PPP6R2: variants seen among roughly 807,000 people sequenced by gnomAD.
The protein encoded by PPP6R2 is protein phosphatase 6 regulatory subunit 2.
PPP6R2 carries 62 observed loss-of-function variants against 100.2 expected under a neutral mutation model. The ratio of observed to expected loss-of-function variants is 0.62; its 90% CI spans 0.50 to 0.76. PPP6R2 has a LOEUF of 0.76. Among genes scored for constraint, PPP6R2 ranks in the 30% least tolerant of loss-of-function variants. PPP6R2 has a pLI of 0.00. For synonymous variants in PPP6R2, 525 were observed against 514.7 expected (o/e 1.02, Z -0.27); for missense variants, 1,142 against 1,276.3 (o/e 0.89, Z 1.60).
intron 1 of PPP6R2, among the ~76,000 whole-genome samples, chr22:50,364,983 A>G (rs1439404783): frequency 6.6e-6 from 1 of 152,150 alleles, no homozygotes; most frequent in Non-Finnish European, 1.5e-5. Context: ...AAAAGAAAAA[A>G]AATCTTTTAT....
intron 1 of PPP6R2, among the ~76,000 whole-genome samples, chr22:50,357,519 G>A (rs773812136): frequency 6.7e-6 from 1 of 149,732 alleles, no homozygotes; most frequent in Non-Finnish European, 1.5e-5. Context: ...TTTTTGATGA[G>A]GTCTCACTCT....
At chr22:50,374,096 C>T (rs975387963) in intron 2 of PPP6R2, among the ~76,000 whole-genome samples, 1 of 152,178 alleles carries the variant, frequency 6.6e-6, no homozygotes, top group African/African-American at 2.4e-5. Context: ...GTTGTCCAGA[C>T]TGGTCTTGAA....
Position 50,438,659 on chromosome 22 carries a change from G to C in PPP6R2, c.2025G>C (p.Gln675His). The C allele has an allele frequency of 3.7e-6, 6 of 1,614,078 alleles. No individual in the cohort carries two copies. Among genetic ancestry groups the C allele is most frequent in the Non-Finnish European group, 3.4e-6 (4 of 1,180,004 alleles). Reference protein sequence around the residue: ...CSKNGPERGGQDGKASLEAHR... With the variant: ...CSKNGPERGGHDGKASLEAHR... Reference sequence around the variant, plus strand: ...AGAATGGCCCAGAGCGTGGAGGCCAGGATGGGAAGGCGAGCTTGGAAGCAC... The same window carrying C: ...AGAATGGCCCAGAGCGTGGAGGCCACGATGGGAAGGCGAGCTTGGAAGCAC... The change falls in exon 19 of 24, where the codon CAG becomes CAC. Residue 675 changes from glutamine to histidine, a missense_variant. Around this residue, in one of 2 missense-constraint regions of PPP6R2, gnomAD observed 550 missense variants for 517.4 expected, o/e 1.06. Transcript: ENST00000612753.
the PPP6R2 span, among the ~76,000 whole-genome samples, chr22:50,337,775 T>C: frequency 7.2e-6 from 1 of 139,378 alleles, no homozygotes; most frequent in African/African-American, 2.7e-5. Context: ...GTGTATGGTG[T>C]GTGTGTGGGT....
chr22:50,436,278 A>T, intron 13 of PPP6R2, 89 bp from the exon 14 acceptor site: 2 of 1,180,070 alleles, frequency 1.7e-6, no homozygotes, highest in Non-Finnish European at 2.4e-6. Flanking sequence ...ATCCTCCCGG[A>T]CCCAGGATGC....
At chr22:50,365,259 C>T (rs1250964779) in intron 1 of PPP6R2, among the ~76,000 whole-genome samples, 4 of 151,838 alleles carry the variant, frequency 2.6e-5, no homozygotes, top group African/African-American at 4.8e-5. Flanking sequence ...TTAGTAGAGA[C>T]GGGGTTTCTT....
rs759430979 is a variant in PPP6R2, at chr22:50,406,776, C to T, written c.315C>T (p.Leu105=). ...GTGGGGACGAGAGCCTGCTGAGCCT[C>T]CTGTACGACTTCTTGGACCATGAGC... ...RLGGDESLLS[L]LYDFLDHEPP... The change falls in exon 4 of 24, where the codon CTC becomes CTT. Residue 105 remains leucine, a synonymous_variant. Transcript: ENST00000612753. 1 of 1,614,138 alleles carries T rather than the reference C, an allele frequency of 6.2e-7. No individual in the cohort carries two copies. The highest frequency in any genetic ancestry group is 1.1e-5 in the South Asian group (1 of 91,070).
intron 2 of PPP6R2, among the ~76,000 whole-genome samples, chr22:50,385,320 C>T (rs900058472): frequency 7.3e-5 from 11 of 150,964 alleles, no homozygotes; most frequent in Non-Finnish European, 1.0e-4. Context: ...CTCAGCCTCC[C>T]GAGTAGCTGG....
upstream of PPP6R2, among the ~76,000 whole-genome samples, chr22:50,339,502 TGTG>T (rs1387812294): frequency 2.6e-5 from 3 of 114,152 alleles, no homozygotes; most frequent in South Asian, 3.0e-4. Flanking sequence ...GGGTGTGTGT[TGTG>T]TGTGTGGTGT....
chr22:50,351,920 A>G (rs2045374393), intron 1 of PPP6R2, among the ~76,000 whole-genome samples: 1 of 152,000 alleles, frequency 6.6e-6, no homozygotes, highest in Admixed American at 6.6e-5. Context: ...CAGCCTCCCC[A>G]GCAGCTGGGA....
chr22:50,370,846 C>G (rs1292512384), intron 1 of PPP6R2, among the ~76,000 whole-genome samples: 1 of 151,886 alleles, frequency 6.6e-6, no homozygotes, highest in Admixed American at 6.6e-5. Context: ...GTTGGCCAGG[C>G]TAATCTTGAA....
intron 2 of PPP6R2, among the ~76,000 whole-genome samples, chr22:50,374,285 A>G (rs1043876713): frequency 3.9e-5 from 6 of 152,172 alleles, no homozygotes; most frequent in African/African-American, 1.4e-4. Context: ...CAGCGAGACA[A>G]GATCGTGCCG....
At chr22:50,351,592 C>G (rs2045275350) in intron 1 of PPP6R2, among the ~76,000 whole-genome samples, 1 of 151,970 alleles carries the variant, frequency 6.6e-6, no homozygotes, top group Admixed American at 6.6e-5. Flanking sequence ...TCTTCCAGAT[C>G]TAGCGACAAC....
intron 2 of PPP6R2, among the ~76,000 whole-genome samples, chr22:50,381,438 G>A (rs1163187906): frequency 7.3e-6 from 1 of 136,208 alleles, no homozygotes; most frequent in Non-Finnish European, 1.6e-5. Context: ...AGCATCACAC[G>A]GGCCCCACCT....
intron 21 of PPP6R2, 131 bp from the exon 22 acceptor site, chr22:50,440,691 A>G: frequency 9.4e-7 from 1 of 1,064,960 alleles, no homozygotes; most frequent in Non-Finnish European, 1.4e-6. Flanking sequence ...TGCGGCTCCC[A>G]CACAGGCACA....
At chr22:50,402,447 G>A (rs538159640) in intron 3 of PPP6R2, among the ~76,000 whole-genome samples, 18 of 151,672 alleles carry the variant, frequency 1.2e-4, no homozygotes, top group African/African-American at 4.1e-4. Context: ...CCACTGCCCT[G>A]GCCTGTAAGT....
At chr22:50,442,763 A>G (rs1412836403) in intron 22 of PPP6R2, among the ~76,000 whole-genome samples, 2 of 151,766 alleles carry the variant, frequency 1.3e-5, no homozygotes, top group Non-Finnish European at 2.9e-5. Flanking sequence ...TGTGTTAGCC[A>G]GTATGGTCTC....
intron 1 of PPP6R2, among the ~76,000 whole-genome samples, chr22:50,359,063 G>T (rs1035805109): frequency 7.1e-6 from 1 of 141,228 alleles, no homozygotes; most frequent in Non-Finnish European, 1.5e-5. Flanking sequence ...TCAGTGGCGC[G>T]ATCTCCACTC....
At position 50,444,524 on chromosome 22, in the gene PPP6R2, C is replaced by CGGGGTG. The variant is rs140356101; in HGVS notation, c.*294_*299dup. ...AGCAATAAGGTCGGCCTGCAGGAGCCGGGGTGGGGGTGGGGGTGGGGGGGG... is the reference window on the plus strand; with the variant it reads ...AGCAATAAGGTCGGCCTGCAGGAGCCGGGGTGGGGGTGGGGGTGGGGGTGGGGGGGG... On this transcript the variant is annotated 3_prime_UTR_variant, in exon 24 of 24. Transcript: ENST00000612753. 1,210 of 106,556 alleles carry CGGGGTG rather than the reference C, an allele frequency of 0.011. 16 individuals are homozygous for CGGGGTG. The highest frequency in any genetic ancestry group is 0.045 in the African/African-American group (801 of 17,726). The allele number at this position is 106,556 out of a possible 1,614,324, so 6.6% of individuals were successfully genotyped here.
Sources: allele counts gnomAD v4.1 joint callset (sites outside exome capture counted in the v4.1 genomes callset), GRCh38; gene constraint gnomAD v4.1.1; regional missense constraint gnomAD v4.1.1; transcripts MANE v1.5; gene names NCBI Gene and HGNC (gene_info 2026-07-23, HGNC 2026-07-21).